SLC4A10: variants seen among roughly 807,000 people sequenced by gnomAD.
SLC4A10 encodes sodium-driven chloride bicarbonate exchanger.
Under a neutral mutation model 137.7 loss-of-function variants are expected in SLC4A10, and 42 were observed. The observed-to-expected ratio is 0.30, with a 90% CI of 0.24 to 0.39. SLC4A10 has a LOEUF of 0.39. Among genes scored for constraint, SLC4A10 ranks in the 10% least tolerant of loss-of-function variants. The pLI, the probability that SLC4A10 is intolerant of heterozygous loss-of-function variation, is 1.00. For synonymous variants in SLC4A10, 474 were observed against 464.1 expected (o/e 1.02, Z -0.27); for missense variants, 925 against 1,355.0 (o/e 0.68, Z 4.98).
At chr2:161,837,994 C>T (rs538211042) in intron 3 of SLC4A10, among the ~76,000 whole-genome samples, 71 of 152,282 alleles carry the variant, frequency 4.7e-4, no homozygotes, top group African/African-American at 1.7e-3. Flanking sequence ...ACCATGTTGG[C>T]ACCCTGATTT....
chr2:161,732,109 C>T (rs1170127418), intron 1 of SLC4A10, among the ~76,000 whole-genome samples: 1 of 152,178 alleles, frequency 6.6e-6, no homozygotes, highest in Non-Finnish European at 1.5e-5. Context: ...AAGTGCTCAG[C>T]TATTCAGAAA....
chr2:161,822,210 TG>T (rs1169026673), intron 3 of SLC4A10, among the ~76,000 whole-genome samples: 2 of 152,200 alleles, frequency 1.3e-5, no homozygotes, highest in African/African-American at 4.8e-5. Flanking sequence ...AATTGAGATT[TG>T]GGGGTTGGAT....
At chr2:161,953,672 C>T (rs369182916) in intron 19 of SLC4A10, among the ~76,000 whole-genome samples, 2 of 152,096 alleles carry the variant, frequency 1.3e-5, no homozygotes, top group African/African-American at 4.8e-5. Flanking sequence ...CTGTGTTGCA[C>T]TGCATAGGTG....
At chr2:161,843,171 A>T (rs1378016118) in intron 4 of SLC4A10, among the ~76,000 whole-genome samples, 1 of 152,206 alleles carries the variant, frequency 6.6e-6, no homozygotes, top group East Asian at 1.9e-4. Context: ...CAGATCAAAT[A>T]GTGACCCATT....
intron 2 of SLC4A10, among the ~76,000 whole-genome samples, chr2:161,803,705 C>T (rs1364049880): frequency 2.0e-5 from 3 of 152,056 alleles, no homozygotes; most frequent in Non-Finnish European, 4.4e-5. Flanking sequence ...AGCTCATTTC[C>T]TTTTCCAGTA....
chr2:161,794,657 G>A (rs981264289), intron 2 of SLC4A10, among the ~76,000 whole-genome samples: 2 of 152,132 alleles, frequency 1.3e-5, no homozygotes, highest in African/African-American at 2.4e-5. Flanking sequence ...AAAAGAAAAT[G>A]AGGTTGTTCC....
chr2:161,644,990 T>A (rs1044010523), intron 1 of SLC4A10, among the ~76,000 whole-genome samples: 3 of 152,162 alleles, frequency 2.0e-5, no homozygotes, highest in African/African-American at 7.2e-5. Flanking sequence ...ATACAATAAA[T>A]GATGAGGCAT....
chr2:161,688,356 T>C, intron 1 of SLC4A10, among the ~76,000 whole-genome samples: 1 of 152,160 alleles, frequency 6.6e-6, no homozygotes, highest in East Asian at 1.9e-4. Context: ...ATGAACAATA[T>C]TCTCTGTTTT....
intron 11 of SLC4A10, 143 bp downstream of exon 11, chr2:161,894,968 C>T (rs1461283769): frequency 5.5e-6 from 2 of 362,106 alleles, no homozygotes; most frequent in Non-Finnish European, 7.9e-6. Flanking sequence ...AATGTGCCGG[C>T]TAGTTACATA....
At chr2:161,931,687 A>G (rs1483314466) in intron 15 of SLC4A10, among the ~76,000 whole-genome samples, 1 of 152,216 alleles carries the variant, frequency 6.6e-6, no homozygotes, top group Non-Finnish European at 1.5e-5. Flanking sequence ...GCTTCAAATG[A>G]GTAGAACTTA....
intron 2 of SLC4A10, among the ~76,000 whole-genome samples, chr2:161,796,233 GT>G (rs961834259): frequency 1.3e-4 from 20 of 152,116 alleles, no homozygotes; most frequent in Admixed American, 1.3e-4. Context: ...TCCAAACGCA[GT>G]GGCTTCAAAC....
At chr2:161,942,035 A>G (rs914768563) in intron 15 of SLC4A10, among the ~76,000 whole-genome samples, 4 of 152,176 alleles carry the variant, frequency 2.6e-5, no homozygotes, top group Non-Finnish European at 5.9e-5. Flanking sequence ...TGTAGAAGGC[A>G]GAAGGGAGAC....
chr2:161,857,898 G>A (rs1179154248), intron 5 of SLC4A10, among the ~76,000 whole-genome samples: 1 of 151,984 alleles, frequency 6.6e-6, no homozygotes, highest in East Asian at 1.9e-4. Flanking sequence ...TAATATTTGG[G>A]GATGGGATCT....
chr2:161,769,261 G>A (rs2051273554), intron 1 of SLC4A10, among the ~76,000 whole-genome samples: 1 of 151,804 alleles, frequency 6.6e-6, no homozygotes, highest in South Asian at 2.1e-4. Context: ...TCCTTCCATT[G>A]TTACCTCAAC....
chr2:161,973,011 C>T (rs902473091), intron 23 of SLC4A10, among the ~76,000 whole-genome samples: 2 of 152,142 alleles, frequency 1.3e-5, no homozygotes, highest in African/African-American at 4.8e-5. Context: ...TTACCAAGGA[C>T]ACTAGGAAAA....
chr2:161,660,572 C>A (rs538680892), intron 1 of SLC4A10, among the ~76,000 whole-genome samples: 1 of 120,034 alleles, frequency 8.3e-6, no homozygotes, highest in Non-Finnish European at 1.9e-5. Context: ...TTCTTTCTTT[C>A]TTTCTTTCTT....
At chr2:161,770,459 C>G (rs902595741) in intron 1 of SLC4A10, among the ~76,000 whole-genome samples, 12 of 151,826 alleles carry the variant, frequency 7.9e-5, no homozygotes, top group Non-Finnish European at 1.6e-4. Context: ...TATACTGAAG[C>G]AAAGTAATTA....
At chr2:161,942,989 G>T in intron 16 of SLC4A10, 92 bp downstream of exon 16, 1 of 887,028 alleles carries the variant, frequency 1.1e-6, no homozygotes, top group Non-Finnish European at 1.8e-6. Context: ...TTTTTTGAAT[G>T]CATAATATAA....
At chr2:161,851,811 A>G (rs1374916991) in intron 4 of SLC4A10, among the ~76,000 whole-genome samples, 1 of 152,198 alleles carries the variant, frequency 6.6e-6, no homozygotes, top group African/African-American at 2.4e-5. Context: ...AAGAAACAAT[A>G]TGATTTTTTA....
Sources: gnomAD v4.1 joint callset for allele counts (sites outside exome capture counted in the v4.1 genomes callset) on GRCh38, gnomAD v4.1.1 for gene constraint, MANE v1.5 for transcripts, NCBI Gene and HGNC (gene_info 2026-07-23, HGNC 2026-07-21) for gene names.